The following ABCG8 variants were observed in gnomAD, a reference collection of about 807,000 sequenced individuals.
ABCG8 encodes the protein ATP-binding cassette sub-family G member 8.
Under a neutral mutation model 71.3 loss-of-function variants are expected in ABCG8, and 81 were observed. The ratio of observed to expected loss-of-function variants is 1.14; its 90% CI spans 0.95 to 1.37. ABCG8 has a LOEUF of 1.37. ABCG8 is among the 40% of genes most tolerant of loss of function. ABCG8 has a pLI of 0.00. For synonymous variants in ABCG8, 451 were observed against 354.7 expected (o/e 1.27, Z -3.05); for missense variants, 1,119 against 866.2 (o/e 1.29, Z -3.66).
intron 3 of ABCG8, 71 bp downstream of exon 3, chr2:43,846,382 A>T: frequency 6.3e-7 from 1 of 1,599,616 alleles, no homozygotes; most frequent in African/African-American, 1.3e-5. Context: ...GGACAAATGG[A>T]TGCTTCTTAT....
At chr2:43,842,311 C>A (rs1212355754) in intron 1 of ABCG8, among the ~76,000 whole-genome samples, 1 of 152,212 alleles carries the variant, frequency 6.6e-6, no homozygotes, top group Non-Finnish European at 1.5e-5. Context: ...CTGCGCACAG[C>A]TGGCAATGGC....
intron 6 of ABCG8, among the ~76,000 whole-genome samples, chr2:43,866,059 A>G (rs1442933562): frequency 6.6e-6 from 1 of 152,084 alleles, no homozygotes; most frequent in East Asian, 1.9e-4. Context: ...CAACTATCTG[A>G]TCTTTGACAA....
intron 6 of ABCG8, among the ~76,000 whole-genome samples, chr2:43,853,200 T>A (rs113441172): frequency 0.054 from 8,189 of 152,222 alleles, 271 homozygotes; most frequent in Middle Eastern, 0.11. Context: ...GGAAACAACC[T>A]TTAAGGTCAA....
chr2:43,869,837 ATCTG>A (rs1383285251), intron 6 of ABCG8, among the ~76,000 whole-genome samples: 2 of 150,740 alleles, frequency 1.3e-5, no homozygotes, highest in East Asian at 2.0e-4. Context: ...AACCCTCACT[ATCTG>A]TCTGGATGGA....
At chr2:43,839,162 G>C in intron 1 of ABCG8, 46 bp downstream of exon 1, 1 of 1,545,042 alleles carries the variant, frequency 6.5e-7, no homozygotes. Flanking sequence ...GGGCGGGTAG[G>C]AGAAATCAAA....
chr2:43,860,245 G>GATCTGGATAGAACTCTCACT, intron 6 of ABCG8, among the ~76,000 whole-genome samples: 2 of 146,940 alleles, frequency 1.4e-5, no homozygotes, highest in East Asian at 4.1e-4. Context: ...GAATTCTCAT[G>GATCTGGATAGAACTCTCACT]ATCTGGATAG....
Position 43,881,357 on chromosome 2 carries a change from T to A in ABCG8, c.*3444T>A, listed in dbSNP as rs1337317095. 1 of 152,154 alleles carries A rather than the reference T, an allele frequency of 6.6e-6. No individual in the cohort carries two copies. Among genetic ancestry groups the A allele is most frequent in the Non-Finnish European group, 1.5e-5 (1 of 68,032 alleles). 9.4% of individuals were successfully genotyped at this position (152,154 alleles called of 1,614,324 possible). On this transcript the variant is annotated 3_prime_UTR_variant, in exon 13 of 13. Coordinates refer to ENST00000272286, the MANE Select transcript of ABCG8 (RefSeq NM_022437.3). Reference sequence around the variant, plus strand: ...TGGACCCATTGCCCAGAGACTCTGATCCCATGGGTCTGTTTTGTTTAAAAT... The same window carrying A: ...TGGACCCATTGCCCAGAGACTCTGAACCCATGGGTCTGTTTTGTTTAAAAT...
chr2:43,844,481 C>T (rs1273884399), intron 1 of ABCG8, 26 bp from the exon 2 acceptor site: 3 of 1,564,590 alleles, frequency 1.9e-6, no homozygotes, highest in East Asian at 2.2e-5. Context: ...TCTAAAGGAG[C>T]CCCTCATCTC....
intron 6 of ABCG8, among the ~76,000 whole-genome samples, chr2:43,859,124 G>T (rs1558823870): frequency 6.6e-6 from 1 of 150,710 alleles, no homozygotes; most frequent in Non-Finnish European, 1.5e-5. Context: ...TCACTGTCTG[G>T]ATAGAATTCT....
intron 6 of ABCG8, among the ~76,000 whole-genome samples, chr2:43,855,671 T>G (rs538043642): frequency 2.7e-4 from 41 of 152,258 alleles, no homozygotes; most frequent in Middle Eastern, 3.4e-3. Context: ...GATAGAACTC[T>G]CACTGTCTGG....
At position 43,879,283 on chromosome 2, in the gene ABCG8, A is replaced by T. The variant is rs750512380; in HGVS notation, c.*1370A>T. 2.0e-5 allele frequency: 3 copies of T among 152,320 alleles called. No individual in the cohort carries two copies. Among genetic ancestry groups the T allele is most frequent in the Non-Finnish European group, 4.4e-5 (3 of 68,162 alleles). 9.4% of individuals were successfully genotyped at this position (152,320 alleles called of 1,614,324 possible). On this transcript the variant is annotated 3_prime_UTR_variant, in exon 13 of 13. Coordinates refer to ENST00000272286, the MANE Select transcript of ABCG8 (RefSeq NM_022437.3). Reference sequence around the variant, plus strand: ...GAGGATGTTCCCAAAGGAAAATTAGAGTTTAGAATCAAAAGAAGGGGAAGG... The same window carrying T: ...GAGGATGTTCCCAAAGGAAAATTAGTGTTTAGAATCAAAAGAAGGGGAAGG...
rs946851576 is a variant in ABCG8 at position 43,878,161 on chromosome 2, A to G, written c.*248A>G. 18 of 571,630 alleles carry G rather than the reference A, an allele frequency of 3.1e-5. No individual in the cohort carries two copies. Among genetic ancestry groups the G allele is most frequent in the Admixed American group, 1.2e-4 (4 of 33,676 alleles). The allele number at this position is 571,630 out of a possible 1,614,324, so 35.4% of individuals were successfully genotyped here. On this transcript the variant is annotated 3_prime_UTR_variant, in exon 13 of 13. Coordinates refer to ENST00000272286, the MANE Select transcript of ABCG8 (RefSeq NM_022437.3). ...TGGGAGAAAACCTGCACTCGGTGGC[A>G]CCTACAACGTTGCTAATTTATTTCC...
In ABCG8 at chr2:43,851,589, G is replaced by A. The variant is rs754458742; in HGVS notation, c.328G>A (p.Gly110Arg). 9 of 1,614,208 alleles carry A rather than the reference G, an allele frequency of 5.6e-6. No homozygotes were observed. The East Asian group carries it at 1.8e-4, about 32-fold the overall frequency. Residue 110 changes from glycine to arginine, a missense_variant, in exon 4 of 13, where the codon GGG becomes AGG. Gly to Arg is a moderately radical substitution (Grantham distance 125, BLOSUM62 -2). Coordinates refer to ENST00000272286, the MANE Select transcript of ABCG8 (RefSeq NM_022437.3). The part of the protein sequence containing the change: ...MLAIIGSSGC[G>R]RASLLDVITG... ...TATCCCTGGTGGCTTTGCAGGTTGT[G>A]GGAGAGCCTCCTTGCTAGATGTGAT...
At chr2:43,855,496 C>T (rs997246942) in intron 6 of ABCG8, among the ~76,000 whole-genome samples, 2 of 152,174 alleles carry the variant, frequency 1.3e-5, no homozygotes, top group Admixed American at 1.3e-4. Flanking sequence ...CTGGATAGAA[C>T]TCCCACTATC....
intron 8 of ABCG8, among the ~76,000 whole-genome samples, chr2:43,872,862 T>C (rs1669829856): frequency 6.6e-6 from 1 of 152,048 alleles, no homozygotes; most frequent in African/African-American, 2.4e-5. Context: ...ATGGAGACAA[T>C]AGGAGAGAAT....
intron 1 of ABCG8, among the ~76,000 whole-genome samples, chr2:43,839,888 G>T (rs1668512974): frequency 6.6e-6 from 1 of 152,210 alleles, no homozygotes; most frequent in Admixed American, 6.5e-5. Flanking sequence ...AGCATGTGTG[G>T]CTCTAACAGG....
Position 43,881,789 on chromosome 2 carries a change from G to A in ABCG8, c.*3876G>A, listed in dbSNP as rs1670138828. The A allele has an allele frequency of 6.6e-6, 1 of 152,142 alleles. No homozygotes were observed. Among genetic ancestry groups the A allele is most frequent in the African/African-American group, 2.4e-5 (1 of 41,468 alleles). The allele number at this position is 152,142 out of a possible 1,614,324, so 9.4% of individuals were successfully genotyped here. On this transcript the variant is annotated 3_prime_UTR_variant, in exon 13 of 13. Coordinates refer to ENST00000272286, the MANE Select transcript of ABCG8 (RefSeq NM_022437.3). ...CTGCCCTGCATTGCGAAAGGGTAGA[G>A]ATTTGTTTATTTGTCAGTATTGAAA...
intron 11 of ABCG8, among the ~76,000 whole-genome samples, chr2:43,876,651 G>T (rs1669967104): frequency 6.6e-6 from 1 of 151,728 alleles, no homozygotes; most frequent in South Asian, 2.1e-4. Flanking sequence ...AGAATATGGG[G>T]AGACTGTGGG....
rs200951677 is a variant in ABCG8, at chr2:43,839,068, G to C, written c.15G>C (p.Ala5=). The C allele has an allele frequency of 6.4e-7, 1 of 1,551,100 alleles. No individual in the cohort carries two copies. The highest frequency in any genetic ancestry group is 8.7e-7 in the Non-Finnish European group (1 of 1,146,802). MAGK[A]AEERGLPKGA... is the part of the protein sequence containing the mutation. ...CTGTGGGCCCCATGGCCGGGAAGGCGGCAGAGGAGAGAGGGCTGCCGAAAG... is the reference window on the plus strand; with the variant it reads ...CTGTGGGCCCCATGGCCGGGAAGGCCGCAGAGGAGAGAGGGCTGCCGAAAG... The change falls in exon 1 of 13, where the codon GCG becomes GCC. Residue 5 remains alanine, a synonymous_variant. Coordinates refer to ENST00000272286, the MANE Select transcript of ABCG8 (RefSeq NM_022437.3).
Sources: allele counts gnomAD v4.1 joint callset (sites outside exome capture counted in the v4.1 genomes callset), GRCh38; gene constraint gnomAD v4.1.1; transcripts MANE v1.5; gene names NCBI Gene and HGNC (gene_info 2026-07-23, HGNC 2026-07-21).